Variants in NPEPPS observed in about 807,000 individuals in gnomAD.
NPEPPS encodes the protein aminopeptidase puromycin sensitive.
A neutral mutation model predicts 115.5 loss-of-function variants in NPEPPS; 14 were observed. The ratio of observed to expected loss-of-function variants is 0.12; its 90% CI spans 0.08 to 0.19. NPEPPS has a LOEUF of 0.19. Among genes scored for constraint, NPEPPS ranks in the 10% least tolerant of loss-of-function variants. The pLI is 1.00. For missense variants in NPEPPS, 523 were observed against 1,110.8 expected (o/e 0.47, Z 7.52); for synonymous variants, 285 against 390.6 (o/e 0.73, Z 3.19).
At position 47,531,237 on chromosome 17, in the gene NPEPPS, G is replaced by C; in HGVS notation, c.-64G>C. 2 of 1,482,832 alleles carry C rather than the reference G, an allele frequency of 1.3e-6. No homozygotes were observed. Among genetic ancestry groups the C allele is most frequent in the Non-Finnish European group, 1.8e-6 (2 of 1,118,974 alleles). 91.9% of individuals were successfully genotyped at this position (1,482,832 alleles called of 1,614,324 possible). A position where few individuals can be genotyped will look rare whatever the true frequency, so the allele number is the denominator to read the frequency against. ...TCCCAGCCCCTAGCGCTCCGGCTGG[G>C]TCTCTCCCCCGCCCCCCAGGCTCCC... is the stretch of plus-strand genomic sequence containing the variant. On this transcript the variant is annotated 5_prime_UTR_variant, in exon 1 of 23. Coordinates refer to ENST00000322157, the MANE Select transcript of NPEPPS (RefSeq NM_006310.4).
chr17:47,535,549 CAAAA>C (rs1002859470), intron 1 of NPEPPS, among the ~76,000 whole-genome samples: 67 of 88,908 alleles, frequency 7.5e-4, no homozygotes, highest in Non-Finnish European at 7.2e-4. Flanking sequence ...GGCTCCGTCT[CAAAA>C]AAAAAAAAAA....
At chr17:47,528,794 C>G (rs1283480861), upstream of NPEPPS, among the ~76,000 whole-genome samples, 1 of 151,792 alleles carries the variant, frequency 6.6e-6, no homozygotes, top group Non-Finnish European at 1.5e-5. Flanking sequence ...CGCCACCATG[C>G]CTGGCTAATT....
intron 2 of NPEPPS, 50 bp downstream of exon 2, chr17:47,546,043 G>GGTGTGTGT (rs372434515): frequency 0.013 from 15,791 of 1,208,068 alleles, 138 homozygotes; most frequent in East Asian, 0.049. Context: ...GCATATGTGG[G>GGTGTGTGT]GTGTGTGTGT....
intron 3 of NPEPPS, among the ~76,000 whole-genome samples, chr17:47,572,944 T>A (rs1443342406): frequency 6.6e-6 from 1 of 152,086 alleles, no homozygotes; most frequent in East Asian, 1.9e-4. Flanking sequence ...CCCAGCTGAT[T>A]TTTGTATTTT....
chr17:47,550,839 C>G (rs1909598147), intron 2 of NPEPPS, among the ~76,000 whole-genome samples: 2 of 151,872 alleles, frequency 1.3e-5, no homozygotes, highest in Non-Finnish European at 1.5e-5. Context: ...GTTGGCCAGC[C>G]TGGTCTCGAA....
intron 3 of NPEPPS, among the ~76,000 whole-genome samples, chr17:47,569,811 G>A (rs1347018212): frequency 6.6e-6 from 1 of 152,060 alleles, no homozygotes; most frequent in Non-Finnish European, 1.5e-5. Flanking sequence ...TAGAGACAAG[G>A]TTTCGCCATG....
At chr17:47,600,121 G>T (rs1193282662) in intron 14 of NPEPPS, among the ~76,000 whole-genome samples, 1 of 152,074 alleles carries the variant, frequency 6.6e-6, no homozygotes, top group Non-Finnish European at 1.5e-5. Flanking sequence ...CCCAGCCATA[G>T]AATTACTCTT....
At chr17:47,566,943 G>A (rs935014672) in intron 2 of NPEPPS, among the ~76,000 whole-genome samples, 1 of 152,022 alleles carries the variant, frequency 6.6e-6, no homozygotes, top group African/African-American at 2.4e-5. Context: ...TGGGCCTAGT[G>A]GCGCCTCATG....
chr17:47,618,632 G>A (rs1430158001), intron 20 of NPEPPS, among the ~76,000 whole-genome samples, 175 bp downstream of exon 20: 1 of 152,214 alleles, frequency 6.6e-6, no homozygotes, highest in African/African-American at 2.4e-5. Flanking sequence ...CTAGTGGCGA[G>A]AATCAGAATA....
chr17:47,616,449 C>T (rs369387532), intron 19 of NPEPPS, among the ~76,000 whole-genome samples: 62 of 152,054 alleles, frequency 4.1e-4, no homozygotes, highest in African/African-American at 1.4e-3. Flanking sequence ...TTTGGGAGGC[C>T]GAGGCGGGTG....
At chr17:47,558,019 C>T (rs540931536) in intron 2 of NPEPPS, among the ~76,000 whole-genome samples, 19 of 151,894 alleles carry the variant, frequency 1.3e-4, no homozygotes, top group East Asian at 5.8e-4. Flanking sequence ...CTCCACCTCC[C>T]GGCTTCAAGC....
chr17:47,559,678 A>G (rs1192301225), intron 2 of NPEPPS: 2 of 455,306 alleles, frequency 4.4e-6, no homozygotes, highest in Admixed American at 2.4e-5. Flanking sequence ...CTTCTTGTTC[A>G]TCTTTCCTGG....
intron 19 of NPEPPS, among the ~76,000 whole-genome samples, chr17:47,616,593 A>G (rs1166983936): frequency 6.6e-6 from 1 of 151,610 alleles, no homozygotes; most frequent in African/African-American, 2.4e-5. Context: ...CTGAGGCAGG[A>G]GCATTGCTTG....
In NPEPPS at chr17:47,602,980, G is replaced by A. The variant is rs1007612713; in HGVS notation, c.1741-935G>A. On this transcript the variant is annotated intron_variant, in intron 15 of 22. Coordinates refer to ENST00000322157, the MANE Select transcript of NPEPPS (RefSeq NM_006310.4). Reference sequence around the variant, plus strand: ...AATAAAGGGAATCAATAAAGTGATAGTTGCGTTAAAATTGTAGGGGTGGTT... The same window carrying A: ...AATAAAGGGAATCAATAAAGTGATAATTGCGTTAAAATTGTAGGGGTGGTT... 5.9e-5 allele frequency among the ~76,000 whole-genome samples: 9 copies of A among 152,224 alleles called. No homozygotes were observed. In the South Asian group the frequency reaches 1.5e-3, roughly 25 times the overall value.
At chr17:47,585,350 A>C in intron 5 of NPEPPS, 150 bp from the exon 6 acceptor site, 1 of 606,958 alleles carries the variant, frequency 1.6e-6, no homozygotes, top group Non-Finnish European at 2.9e-6. Context: ...GACAGCATAA[A>C]AGCACTGGAT....
intron 14 of NPEPPS, among the ~76,000 whole-genome samples, chr17:47,600,514 T>G (rs1913128909): frequency 6.6e-6 from 1 of 152,224 alleles, no homozygotes; most frequent in Non-Finnish European, 1.5e-5. Flanking sequence ...GTTGCCGTTT[T>G]CTGCCTCTTA....
intron 1 of NPEPPS, among the ~76,000 whole-genome samples, chr17:47,540,963 G>GA (rs369290967): frequency 5.3e-5 from 8 of 149,590 alleles, no homozygotes; most frequent in Non-Finnish European, 7.4e-5. Flanking sequence ...TAGTATCCTG[G>GA]AAAAAAAAAA....
intron 2 of NPEPPS, among the ~76,000 whole-genome samples, chr17:47,558,680 T>A (rs1910224586): frequency 6.6e-6 from 1 of 152,184 alleles, no homozygotes; most frequent in Non-Finnish European, 1.5e-5. Context: ...CTGCCTGCTT[T>A]GGCCTGAAGT....
At chr17:47,618,273 GGAA>G in intron 19 of NPEPPS, 74 bp from the exon 20 acceptor site, 3 of 899,878 alleles carry the variant, frequency 3.3e-6, no homozygotes. Context: ...ACCTTACTGG[GGAA>G]GAAGCTCATA....
Sources: allele counts gnomAD v4.1 joint callset (sites outside exome capture counted in the v4.1 genomes callset), GRCh38; gene constraint gnomAD v4.1.1; transcripts MANE v1.5; gene names NCBI Gene and HGNC (gene_info 2026-07-23, HGNC 2026-07-21).